Variants in PDGFA observed in about 807,000 individuals in gnomAD.
The protein encoded by PDGFA is platelet derived growth factor subunit A.
In PDGFA, 9 loss-of-function variants were observed where a neutral mutation model predicts 25.6. The observed-to-expected ratio is 0.35, with a 90% confidence interval of 0.21 to 0.61. The LOEUF (loss-of-function observed/expected upper bound fraction) is 0.61, where lower values mean the gene tolerates loss of function less well. Among genes scored for constraint, PDGFA ranks in the 20% least tolerant of loss-of-function variants. The pLI is 0.75. For missense variants in PDGFA, 242 were observed against 272.8 expected, an observed-to-expected ratio of 0.89 and a Z score of 0.79; for synonymous variants, 133 against 111.8, an observed-to-expected ratio of 1.19 and a Z score of -1.20.
Position 499,281 on chromosome 7 carries a change from G to A in PDGFA, c.581-707C>T, listed in dbSNP as rs146973826. ...CAAGGCTGACCAACAGTCCTGGACTGCTTCAAAGACCCGCCCAAGTGGACA... is the reference window on the plus strand; with the variant it reads ...CAAGGCTGACCAACAGTCCTGGACTACTTCAAAGACCCGCCCAAGTGGACA... On this transcript the variant is annotated intron_variant, in intron 5 of 5. Coordinates refer to ENST00000402802, the Ensembl canonical transcript of PDGFA. Among the ~76,000 whole-genome samples, 527 of 152,360 alleles carry A rather than the reference G, an allele frequency of 3.5e-3. 4 individuals carry two copies. The highest frequency in any genetic ancestry group is 0.012 in the African/African-American group (495 of 41,580).
At chr7:516,378 C>G (rs955452669) in intron 2 of PDGFA, among the ~76,000 whole-genome samples, 1 of 152,162 alleles carries the variant, frequency 6.6e-6, no homozygotes, top group African/African-American at 2.4e-5. Flanking sequence ...TGTGATTTCA[C>G]TTAATCCCCG....
chr7:506,559 T>C (rs934133942), intron 4 of PDGFA, among the ~76,000 whole-genome samples: 1 of 152,076 alleles, frequency 6.6e-6, no homozygotes, highest in East Asian at 1.9e-4. Context: ...TCTGGAAGCC[T>C]CCAGCACAGC....
exon 4 of PDGFA, chr7:510,910 G>A: frequency 6.2e-7 from 1 of 1,612,676 alleles, no homozygotes; most frequent in Non-Finnish European, 8.5e-7. Context: ...GGCCAGATCA[G>A]GAAGTTGGCG....
At chr7:518,561 C>G in intron 1 of PDGFA, 1 of 204,952 alleles carries the variant, frequency 4.9e-6, no homozygotes, top group East Asian at 1.0e-4. Context: ...CCTATTTATC[C>G]GCCGCCCTTC....
intron 2 of PDGFA, among the ~76,000 whole-genome samples, chr7:515,596 C>T (rs1783052144): frequency 6.6e-6 from 1 of 152,142 alleles, no homozygotes; most frequent in South Asian, 2.1e-4. Context: ...TATTCTCACA[C>T]ACAAAGCCTC....
intron 4 of PDGFA, among the ~76,000 whole-genome samples, chr7:505,743 A>T (rs1782531898): frequency 6.6e-6 from 1 of 152,192 alleles, no homozygotes; most frequent in Non-Finnish European, 1.5e-5. Context: ...CTCCATCCCT[A>T]GCCTGCACTC....
In PDGFA at chr7:517,451, G is replaced by A; in HGVS notation, c.103C>T (p.Arg35Cys). ...TCCCGGATGCTGTGGATCTGACTGCGGGCCAGCCTCTCGATCACCTCGCGG... is the reference window on the plus strand; with the variant it reads ...TCCCGGATGCTGTGGATCTGACTGCAGGCCAGCCTCTCGATCACCTCGCGG... The change falls in exon 2 of 6, where the codon CGC becomes TGC. Residue 35 changes from arginine to cysteine, a missense_variant. Physicochemically the swap from Arg to Cys is radical, Grantham distance 180. This residue lies in a region of PDGFA where 113 missense variants were observed against 98.3 expected (regional missense o/e 1.15). Transcript: ENST00000402802. The surrounding 1 kb of genome is among the most constrained non-coding windows in gnomAD (Gnocchi z 7.4). The A allele has an allele frequency of 1.4e-6, 2 of 1,383,320 alleles. No homozygotes were observed. Among genetic ancestry groups the A allele is most frequent in the Non-Finnish European group, 1.9e-6 (2 of 1,053,624 alleles). The allele number at this position is 1,383,320 out of a possible 1,614,324, so 85.7% of individuals were successfully genotyped here.
At chr7:519,062 C>T (rs1244156115) in exon 1 of PDGFA, 3 of 1,358,800 alleles carry the variant, frequency 2.2e-6, no homozygotes, top group Non-Finnish European at 3.0e-6. Context: ...GCGCTCCAGC[C>T]GGTCTCCTGT....
chr7:511,871 G>A (rs1390071327), intron 3 of PDGFA, among the ~76,000 whole-genome samples: 2 of 152,162 alleles, frequency 1.3e-5, no homozygotes, highest in Admixed American at 6.5e-5. Context: ...GGTGTGAGTG[G>A]GGCGGGGCAC....
intron 3 of PDGFA, 101 bp from the exon 4 acceptor site, chr7:511,097 T>TA: frequency 1.1e-6 from 1 of 902,256 alleles, no homozygotes; most frequent in Non-Finnish European, 1.7e-6. Flanking sequence ...GCAACCAGGG[T>TA]AAGCCACAGG....
chr7:508,559 C>CAAAAAAAAAAAAAAAAAAAAAAA (rs766165770), intron 4 of PDGFA, among the ~76,000 whole-genome samples: 1 of 35,664 alleles, frequency 2.8e-5, no homozygotes, highest in African/African-American at 1.1e-4. Flanking sequence ...GAAGCTGTCC[C>CAAAAAAAAAAAAAAAAAAAAAAA]AAAAAAAAAA....
At chr7:505,210 C>CG (rs1247610514) in intron 4 of PDGFA, among the ~76,000 whole-genome samples, 2 of 152,192 alleles carry the variant, frequency 1.3e-5, no homozygotes, top group Non-Finnish European at 2.9e-5. Context: ...AGGACCCCCA[C>CG]GGGGGGTACC....
At chr7:516,471 G>C (rs1022310587) in intron 2 of PDGFA, among the ~76,000 whole-genome samples, 2 of 152,126 alleles carry the variant, frequency 1.3e-5, no homozygotes, top group African/African-American at 4.8e-5. Flanking sequence ...GCTGCCTTTA[G>C]TTACTCTTTT....
chr7:499,847 C>G (rs190189419), intron 5 of PDGFA, among the ~76,000 whole-genome samples: 1 of 151,980 alleles, frequency 6.6e-6, no homozygotes, highest in East Asian at 1.9e-4. Flanking sequence ...AAGGCGGACA[C>G]TGATGATACC....
At chr7:511,777 A>G (rs1256572915) in intron 3 of PDGFA, among the ~76,000 whole-genome samples, 2 of 151,828 alleles carry the variant, frequency 1.3e-5, no homozygotes, top group Non-Finnish European at 2.9e-5. Flanking sequence ...GTTCCTCCTC[A>G]GGGGGCTGGA....
intron 2 of PDGFA, 193 bp from the exon 3 acceptor site, chr7:512,648 T>C: frequency 2.0e-6 from 3 of 1,521,652 alleles, no homozygotes; most frequent in Non-Finnish European, 2.6e-6. Context: ...TTTCCAGAGA[T>C]GCAGGGCATG....
upstream of PDGFA, chr7:519,914 G>GCCCCCCCC (rs758427523): frequency 6.7e-5 from 4 of 59,408 alleles, no homozygotes; most frequent in African/African-American, 2.7e-4. Flanking sequence ...CCCCGCCCCC[G>GCCCCCCCC]CCCCCCCCCC....
chr7:506,190 A>AAAAAAAAAAAAAC (rs1782559101), intron 4 of PDGFA, among the ~76,000 whole-genome samples: 1 of 151,340 alleles, frequency 6.6e-6, no homozygotes, highest in Non-Finnish European at 1.5e-5. Flanking sequence ...AAAAAAAAAA[A>AAAAAAAAAAAAAC]ATCCCTCAAG....
Position 501,262 on chromosome 7 carries a change from C to A in PDGFA, c.454-20G>T. On this transcript the variant is annotated intron_variant, in intron 4 of 5. Transcript: ENST00000402802. The stretch of plus-strand genomic sequence containing the variant: ...GGCCACCTGCCAGAGAGAACAGAGC[C>A]CGGCCATGAATGCCTGCATGGAGCT... 1 of 1,613,650 alleles carries A rather than the reference C, an allele frequency of 6.2e-7. No homozygotes were observed. The highest frequency in any genetic ancestry group is 2.2e-5 in the East Asian group (1 of 44,882).
Sources: gnomAD v4.1 joint callset for allele counts (sites outside exome capture counted in the v4.1 genomes callset) on GRCh38, gnomAD v4.1.1 for gene constraint, gnomAD v4.1.1 regional missense constraint, Gnocchi (gnomAD v3.1) non-coding constraint, MANE v1.5 for transcripts, NCBI Gene and HGNC (gene_info 2026-07-23, HGNC 2026-07-21) for gene names.